CAMKMT: variants seen among roughly 807,000 people sequenced by gnomAD.
CAMKMT encodes the protein CaM KMT.
Under a neutral mutation model 48.0 loss-of-function variants are expected in CAMKMT, and 53 were observed. The ratio of observed to expected loss-of-function variants is 1.10; its 90% CI spans 0.89 to 1.39. CAMKMT has a LOEUF of 1.39. Ranked by LOEUF, CAMKMT falls within the 40% of genes most tolerant of loss-of-function variation. The pLI is 0.00. For missense variants in CAMKMT, 428 were observed against 402.7 expected (o/e 1.06, Z -0.54); for synonymous variants, 165 against 152.3 (o/e 1.08, Z -0.61).
At chr2:44,621,409 T>C (rs1175660326) in intron 3 of CAMKMT, among the ~76,000 whole-genome samples, 3 of 151,848 alleles carry the variant, frequency 2.0e-5, no homozygotes, top group Admixed American at 6.6e-5. Flanking sequence ...AAAAGTAAGA[T>C]ACAAGAAAGG....
At chr2:44,471,808 G>A (rs928199954) in intron 3 of CAMKMT, among the ~76,000 whole-genome samples, 2 of 152,018 alleles carry the variant, frequency 1.3e-5, no homozygotes, top group Non-Finnish European at 2.9e-5. Flanking sequence ...AGCCTCCCGT[G>A]TGGCTGAGAT....
chr2:44,585,615 T>C (rs1320699545), intron 3 of CAMKMT, among the ~76,000 whole-genome samples: 1 of 152,210 alleles, frequency 6.6e-6, no homozygotes, highest in Non-Finnish European at 1.5e-5. Context: ...AACCTTGATA[T>C]GAGTACTCTG....
At chr2:44,524,023 C>T (rs1029222354) in intron 3 of CAMKMT, among the ~76,000 whole-genome samples, 8 of 151,948 alleles carry the variant, frequency 5.3e-5, no homozygotes, top group East Asian at 3.9e-4. Context: ...GTGATCCGCT[C>T]GCCTCGGCCT....
chr2:44,725,166 G>GTGTGTT (rs1553443698), intron 7 of CAMKMT, among the ~76,000 whole-genome samples: 1 of 151,724 alleles, frequency 6.6e-6, no homozygotes. Context: ...GTGTGTGTGT[G>GTGTGTT]TGTGTGTGTG....
At chr2:44,721,245 T>A (rs1463871118) in intron 7 of CAMKMT, among the ~76,000 whole-genome samples, 1 of 152,234 alleles carries the variant, frequency 6.6e-6, no homozygotes, top group Non-Finnish European at 1.5e-5. Flanking sequence ...CACCATTAAG[T>A]ATGCATTAGC....
chr2:44,506,634 T>C (rs1291279222), intron 3 of CAMKMT, among the ~76,000 whole-genome samples: 1 of 152,164 alleles, frequency 6.6e-6, no homozygotes, highest in East Asian at 1.9e-4. Flanking sequence ...TGAATACAGA[T>C]ACTGGTAAAC....
intron 5 of CAMKMT, among the ~76,000 whole-genome samples, chr2:44,706,639 G>A (rs1201513642): frequency 7.0e-6 from 1 of 143,256 alleles, no homozygotes; most frequent in African/African-American, 2.6e-5. Context: ...TCAGATTATA[G>A]TCCCATTTGC....
At chr2:44,427,498 C>T (rs1684348725) in intron 3 of CAMKMT, among the ~76,000 whole-genome samples, 1 of 152,088 alleles carries the variant, frequency 6.6e-6, no homozygotes, top group Non-Finnish European at 1.5e-5. Flanking sequence ...AGGACACGAA[C>T]AGATACTTCT....
chr2:44,569,046 C>A (rs538662465), intron 3 of CAMKMT, among the ~76,000 whole-genome samples: 5 of 152,080 alleles, frequency 3.3e-5, no homozygotes, highest in Admixed American at 3.3e-4. Flanking sequence ...CTGGATTGTT[C>A]GGGTTAATGC....
intron 8 of CAMKMT, among the ~76,000 whole-genome samples, chr2:44,748,123 CAT>C (rs1363272212): frequency 1.3e-5 from 2 of 152,158 alleles, no homozygotes; most frequent in Non-Finnish European, 1.5e-5. Context: ...GCTCAGATGA[CAT>C]ACTCTACAAA....
chr2:44,614,857 CT>C (rs534313621), intron 3 of CAMKMT, among the ~76,000 whole-genome samples: 118 of 150,402 alleles, frequency 7.8e-4, no homozygotes, highest in African/African-American at 2.7e-3. Context: ...CATCATCAGT[CT>C]GCTACTACTG....
intron 3 of CAMKMT, among the ~76,000 whole-genome samples, chr2:44,573,246 T>A (rs1669023697): frequency 6.6e-6 from 1 of 152,190 alleles, no homozygotes; most frequent in Non-Finnish European, 1.5e-5. Context: ...TGGAGATATG[T>A]CTATCCAAGT....
At chr2:44,395,101 T>C (rs1681709104) in intron 3 of CAMKMT, 3 of 387,858 alleles carry the variant, frequency 7.7e-6, no homozygotes, top group Non-Finnish European at 1.5e-5. Flanking sequence ...ATAGTTTCTT[T>C]GGAAATATGG....
intron 3 of CAMKMT, among the ~76,000 whole-genome samples, chr2:44,536,988 C>T (rs1666811774): frequency 6.6e-6 from 1 of 152,162 alleles, no homozygotes; most frequent in South Asian, 2.1e-4. Context: ...ACCCATATCT[C>T]TCTCCACGTA....
At chr2:44,422,237 C>T (rs953209261) in intron 3 of CAMKMT, among the ~76,000 whole-genome samples, 14 of 152,114 alleles carry the variant, frequency 9.2e-5, no homozygotes, top group East Asian at 3.9e-4. Context: ...GAGGCCTCAC[C>T]GGAAGCTGAG....
At chr2:44,594,903 A>C (rs1670559362) in intron 3 of CAMKMT, among the ~76,000 whole-genome samples, 1 of 152,232 alleles carries the variant, frequency 6.6e-6, no homozygotes, top group Non-Finnish European at 1.5e-5. Flanking sequence ...AAACTTTTGC[A>C]ATCTATCCAT....
intron 8 of CAMKMT, among the ~76,000 whole-genome samples, chr2:44,748,412 C>T (rs1680007238): frequency 6.6e-6 from 1 of 151,650 alleles, no homozygotes; most frequent in African/African-American, 2.4e-5. Flanking sequence ...TTTTTTCTAA[C>T]GATCTTACCG....
intron 8 of CAMKMT, among the ~76,000 whole-genome samples, chr2:44,752,258 T>C (rs546355616): frequency 2.0e-5 from 3 of 150,878 alleles, no homozygotes; most frequent in South Asian, 4.2e-4. Context: ...GTAATTGCGG[T>C]TTTTGCCATT....
At position 44,657,018 on chromosome 2, in the gene CAMKMT, G is replaced by A. The variant is rs1019708126; in HGVS notation, c.377-47265G>A. On this transcript the variant is annotated intron_variant, in intron 3 of 10. Transcript: ENST00000378494. This position sits in a 1 kb window ranked among gnomAD's most constrained non-coding sequence, Gnocchi z 4.3. The stretch of plus-strand genomic sequence containing the variant: ...ACTAAAATGATTGATTTTTGACAGG[G>A]ACATTCTGAATCCAGACTGGGTCAC... Among the ~76,000 whole-genome samples, 6 of 152,160 alleles carry A rather than the reference G, an allele frequency of 3.9e-5. No individual in the cohort carries two copies. Among genetic ancestry groups the A allele is most frequent in the African/African-American group, 1.4e-4 (6 of 41,432 alleles).
Sources: allele counts gnomAD v4.1 joint callset (sites outside exome capture counted in the v4.1 genomes callset), GRCh38; gene constraint gnomAD v4.1.1; non-coding constraint Gnocchi (gnomAD v3.1); transcripts MANE v1.5; gene names NCBI Gene and HGNC (gene_info 2026-07-23, HGNC 2026-07-21).